ATP9B: variants seen among roughly 807,000 people sequenced by gnomAD.
ATP9B encodes ATPase phospholipid transporting 9B, also known as probable phospholipid-transporting ATPase IIB.
Under a neutral mutation model 146.1 loss-of-function variants are expected in ATP9B, and 110 were observed. The ratio of observed to expected loss-of-function variants is 0.75; its 90% CI spans 0.65 to 0.88. ATP9B has a LOEUF of 0.88. Ranked by LOEUF, ATP9B falls within the 40% of genes least tolerant of loss-of-function variation. ATP9B has a pLI of 0.00. For synonymous variants in ATP9B, 604 were observed against 569.7 expected (o/e 1.06, Z -0.86); for missense variants, 1,499 against 1,496.4 (o/e 1.00, Z -0.03).
intron 12 of ATP9B, among the ~76,000 whole-genome samples, chr18:79,273,237 C>T (rs895613200): frequency 1.3e-5 from 2 of 152,148 alleles, no homozygotes; most frequent in Non-Finnish European, 2.9e-5. Context: ...AAATAGAACA[C>T]GTGTGCATCT....
At chr18:79,157,995 GTTCT>G (rs1568298404) in intron 7 of ATP9B, among the ~76,000 whole-genome samples, 1 of 151,842 alleles carries the variant, frequency 6.6e-6, no homozygotes, top group Non-Finnish European at 1.5e-5. Context: ...TTGTTTTTCT[GTTCT>G]TTATTTCATT....
chr18:79,232,347 A>G (rs2095800568), intron 11 of ATP9B, among the ~76,000 whole-genome samples: 1 of 152,214 alleles, frequency 6.6e-6, no homozygotes, highest in South Asian at 2.1e-4. Flanking sequence ...AGTGTGATAA[A>G]CATGAGTTCT....
chr18:79,345,244 C>A (rs1202835543), intron 21 of ATP9B, among the ~76,000 whole-genome samples, 184 bp from the exon 22 acceptor site: 1 of 152,168 alleles, frequency 6.6e-6, no homozygotes, highest in East Asian at 1.9e-4. Context: ...CATAGAATTT[C>A]TTCCCATGAT....
intron 8 of ATP9B, among the ~76,000 whole-genome samples, chr18:79,183,920 A>G (rs1262874734): frequency 6.6e-6 from 1 of 152,146 alleles, no homozygotes; most frequent in Non-Finnish European, 1.5e-5. Context: ...ATTTCTCAAC[A>G]TCAGGGTATC....
intron 11 of ATP9B, among the ~76,000 whole-genome samples, chr18:79,244,098 G>T (rs1427599868): frequency 6.6e-6 from 1 of 152,068 alleles, no homozygotes; most frequent in Non-Finnish European, 1.5e-5. Context: ...TTTTATAAGA[G>T]AAATAAGCAG....
chr18:79,191,790 A>G (rs1301976590), intron 8 of ATP9B, among the ~76,000 whole-genome samples: 1 of 152,202 alleles, frequency 6.6e-6, no homozygotes, highest in Non-Finnish European at 1.5e-5. Flanking sequence ...TGACCATCTC[A>G]GGGCCAGTCT....
intron 15 of ATP9B, among the ~76,000 whole-genome samples, chr18:79,316,096 A>G (rs995718503): frequency 6.6e-6 from 1 of 152,214 alleles, no homozygotes; most frequent in African/African-American, 2.4e-5. Context: ...GAAGCACACG[A>G]GGAGTACTTG....
intron 7 of ATP9B, 23 bp downstream of exon 7, chr18:79,154,578 T>G: frequency 6.7e-7 from 1 of 1,489,294 alleles, no homozygotes; most frequent in East Asian, 2.4e-5. Flanking sequence ...TTAAAAAAAC[T>G]TACCTAACTG....
At chr18:79,253,618 T>TACTGA in intron 12 of ATP9B, 77 bp downstream of exon 12, 1 of 1,401,610 alleles carries the variant, frequency 7.1e-7, no homozygotes, top group Non-Finnish European at 9.6e-7. Context: ...TTTCTCAGTA[T>TACTGA]GAAAGAAATT....
At chr18:79,119,178 T>C (rs531971165) in intron 4 of ATP9B, among the ~76,000 whole-genome samples, 15 of 152,272 alleles carry the variant, frequency 9.9e-5, no homozygotes, top group African/African-American at 3.1e-4. Flanking sequence ...AATGTATTTA[T>C]ATATATTTTG....
In ATP9B at chr18:79,143,853, T is replaced by C; in HGVS notation, c.719T>C (p.Val240Ala). Residue 240 changes from valine (V) to alanine (A), a missense_variant, in exon 6 of 30, where the codon GTG becomes GCG. Coordinates refer to ENST00000426216, the MANE Select transcript of ATP9B (RefSeq NM_198531.5). Reference sequence around the variant, plus strand: ...ATACAAGTTGGAGACCTCATCATAGTGGAAAAGGTTGATGATTTTTTAATA... The same window carrying C: ...ATACAAGTTGGAGACCTCATCATAGCGGAAAAGGTTGATGATTTTTTAATA... ...SDIQVGDLIIVEKNQRIPSDM... is the reference protein window; with the variant it reads ...SDIQVGDLIIAEKNQRIPSDM... 6.4e-7 allele frequency: 1 copy of C among 1,571,902 alleles called. No individual in the cohort carries two copies. Among genetic ancestry groups the C allele is most frequent in the Non-Finnish European group, 8.6e-7 (1 of 1,158,666 alleles).
chr18:79,203,114 A>G (rs1435276394), intron 9 of ATP9B, among the ~76,000 whole-genome samples: 1 of 152,164 alleles, frequency 6.6e-6, no homozygotes, highest in African/African-American at 2.4e-5. Context: ...AGGCAGGAGA[A>G]CCGGGAGGAG....
At chr18:79,161,234 G>A (rs1173128809) in intron 7 of ATP9B, among the ~76,000 whole-genome samples, 2 of 152,148 alleles carry the variant, frequency 1.3e-5, no homozygotes, top group Non-Finnish European at 2.9e-5. Flanking sequence ...AATTGATGAT[G>A]TTTTAAAACA....
Position 79,351,951 on chromosome 18 carries a change from GAGAA to G in ATP9B, c.2903+3759_2903+3762del, listed in dbSNP as rs1204794499. 2.0e-5 allele frequency among the ~76,000 whole-genome samples: 3 copies of G among 152,100 alleles called. No homozygotes were observed. In the East Asian group the frequency reaches 5.8e-4, roughly 29 times the overall value. ...GCCTGGGGAATGCCATGCCCTCCCCGAGAAAGAGAGCTCCTAGGCCAAGTCCTCA... is the reference window on the plus strand; with the variant it reads ...GCCTGGGGAATGCCATGCCCTCCCCGAGAGAGCTCCTAGGCCAAGTCCTCA... On this transcript the variant is annotated intron_variant, in intron 25 of 29. Transcript: ENST00000426216.
chr18:79,107,736 C>T (rs987288461), intron 2 of ATP9B, among the ~76,000 whole-genome samples: 1 of 152,172 alleles, frequency 6.6e-6, no homozygotes, highest in African/African-American at 2.4e-5. Context: ...TCTTGAATGG[C>T]TGTGGTGCCA....
chr18:79,146,706 G>A, intron 6 of ATP9B: 1 of 199,134 alleles, frequency 5.0e-6, no homozygotes, highest in East Asian at 1.6e-4. Flanking sequence ...GACCACGTGA[G>A]TACGCAGGAC....
At chr18:79,327,955 G>A (rs866991532) in intron 15 of ATP9B, among the ~76,000 whole-genome samples, 66 of 128,946 alleles carry the variant, frequency 5.1e-4, no homozygotes, top group African/African-American at 2.0e-3. Context: ...CGTGGTTAGC[G>A]TGCTCTCCGT....
At chr18:79,206,364 G>T (rs561488836) in intron 9 of ATP9B, among the ~76,000 whole-genome samples, 3 of 152,174 alleles carry the variant, frequency 2.0e-5, no homozygotes, top group Non-Finnish European at 4.4e-5. Flanking sequence ...AAAAAGCATT[G>T]CCCTTGTCCT....
At chr18:79,259,378 T>C (rs2145243437) in intron 12 of ATP9B, among the ~76,000 whole-genome samples, 1 of 152,262 alleles carries the variant, frequency 6.6e-6, no homozygotes, top group Non-Finnish European at 1.5e-5. Flanking sequence ...ACCATTGTAG[T>C]TGATAATGCA....
Sources: allele counts gnomAD v4.1 joint callset (sites outside exome capture counted in the v4.1 genomes callset), GRCh38; gene constraint gnomAD v4.1.1; transcripts MANE v1.5; gene names NCBI Gene and HGNC (gene_info 2026-07-23, HGNC 2026-07-21).